Variants in POU6F2 observed in about 807,000 individuals in gnomAD.
The protein encoded by POU6F2 is POU domain, class 6, transcription factor 2.
Under a neutral mutation model 71.3 loss-of-function variants are expected in POU6F2, and 31 were observed. That is an observed-to-expected ratio of 0.43 (90% CI 0.33 to 0.59). The LOEUF is 0.59. POU6F2 is among the 20% of genes least tolerant of loss of function. The pLI is 0.04. For synonymous variants in POU6F2, 347 were observed against 355.7 expected (o/e 0.98, Z 0.27); for missense variants, 783 against 856.8 (o/e 0.91, Z 1.07).
intron 5 of POU6F2, among the ~76,000 whole-genome samples, chr7:39,386,135 AG>A (rs752882225): frequency 2.0e-5 from 3 of 149,504 alleles, no homozygotes; most frequent in Non-Finnish European, 3.0e-5. Flanking sequence ...AAAAAAAAAA[AG>A]AACCAACTTA....
intron 2 of POU6F2, among the ~76,000 whole-genome samples, chr7:39,096,252 C>T (rs1309247222): frequency 1.3e-5 from 2 of 152,118 alleles, no homozygotes; most frequent in African/African-American, 2.4e-5. Context: ...CACTTGCCGA[C>T]GACCTGCCAT....
At chr7:39,380,747 G>C (rs570816831) in intron 5 of POU6F2, among the ~76,000 whole-genome samples, 2 of 152,156 alleles carry the variant, frequency 1.3e-5, no homozygotes, top group Non-Finnish European at 2.9e-5. Flanking sequence ...CTGCCTTTTG[G>C]CTCCTAGAAG....
At chr7:39,051,596 T>A (rs1790401648) in intron 1 of POU6F2, among the ~76,000 whole-genome samples, 1 of 152,162 alleles carries the variant, frequency 6.6e-6, no homozygotes, top group Non-Finnish European at 1.5e-5. Context: ...AATTGAACAA[T>A]GTTTGAATAA....
chr7:39,015,697 T>TATAGA (rs368162504), intron 1 of POU6F2, among the ~76,000 whole-genome samples: 7 of 89,174 alleles, frequency 7.8e-5, no homozygotes, highest in African/African-American at 2.6e-4. Flanking sequence ...TATCTATATA[T>TATAGA]TATATATATC....
intron 4 of POU6F2, among the ~76,000 whole-genome samples, chr7:39,273,571 G>A (rs141468142): frequency 7.2e-4 from 109 of 152,328 alleles, no homozygotes; most frequent in African/African-American, 2.5e-3. Flanking sequence ...GGAGACTGGG[G>A]AGACCTGACA....
chr7:39,012,686 T>C (rs1200371537), intron 1 of POU6F2, among the ~76,000 whole-genome samples: 3 of 152,162 alleles, frequency 2.0e-5, no homozygotes, highest in Non-Finnish European at 4.4e-5. Context: ...ATGATGATGA[T>C]GTACAGATGG....
At chr7:39,264,385 G>T (rs995039410) in intron 4 of POU6F2, among the ~76,000 whole-genome samples, 5 of 152,174 alleles carry the variant, frequency 3.3e-5, no homozygotes, top group African/African-American at 1.2e-4. Context: ...GTTATGGCCT[G>T]GTTAGATGAT....
chr7:39,105,177 C>T (rs1192984856), intron 2 of POU6F2, among the ~76,000 whole-genome samples: 1 of 152,026 alleles, frequency 6.6e-6, no homozygotes, highest in Non-Finnish European at 1.5e-5. Context: ...AATAGATTTC[C>T]CAAACCTAAC....
chr7:39,007,796 G>C (rs1425229563), intron 1 of POU6F2, among the ~76,000 whole-genome samples: 5 of 151,090 alleles, frequency 3.3e-5, no homozygotes, highest in African/African-American at 9.7e-5. Flanking sequence ...TTGTTCTTGC[G>C]ATAGTTTACT....
intron 2 of POU6F2, among the ~76,000 whole-genome samples, chr7:39,110,357 T>C (rs1791782970): frequency 6.6e-6 from 1 of 151,698 alleles, no homozygotes; most frequent in Admixed American, 6.6e-5. Flanking sequence ...TGAAAACTGA[T>C]CATGTTCTAA....
rs529408040 is a variant in POU6F2, at chr7:39,198,265, A to G, written c.278-5970A>G. Among the ~76,000 whole-genome samples the G allele has an allele frequency of 1.0e-3, 153 of 152,374 alleles. 1 individual carries two copies. The highest frequency in any genetic ancestry group is 3.3e-3 in the African/African-American group (139 of 41,596). ...TCTATAGCACAGACTAAATCTACCT[A>G]TAAAAAATGAAGCAATTATTGAGGA... On this transcript the variant is annotated intron_variant, in intron 2 of 9. Coordinates refer to ENST00000518318, the MANE Select transcript of POU6F2 (RefSeq NM_001370959.1).
At chr7:39,380,498 C>T (rs1038584808) in intron 5 of POU6F2, among the ~76,000 whole-genome samples, 1 of 152,142 alleles carries the variant, frequency 6.6e-6, no homozygotes, top group Non-Finnish European at 1.5e-5. Flanking sequence ...GAAGGATGCT[C>T]TGAAAACTCC....
intron 1 of POU6F2, among the ~76,000 whole-genome samples, chr7:39,045,870 T>C (rs1206040510): frequency 2.6e-5 from 4 of 151,964 alleles, no homozygotes; most frequent in African/African-American, 9.7e-5. Flanking sequence ...TGACAGACAC[T>C]TGGATTGTTT....
chr7:39,045,662 C>T (rs1047053984), intron 1 of POU6F2, among the ~76,000 whole-genome samples: 3 of 151,676 alleles, frequency 2.0e-5, no homozygotes, highest in Admixed American at 1.3e-4. Flanking sequence ...TCACTACAAC[C>T]AGTTTTAGAA....
At chr7:39,422,210 A>T (rs1327105415) in intron 6 of POU6F2, among the ~76,000 whole-genome samples, 1 of 152,250 alleles carries the variant, frequency 6.6e-6, no homozygotes, top group East Asian at 1.9e-4. Flanking sequence ...TACCTGGAAC[A>T]TTCTTAAACT....
At chr7:39,070,835 T>G (rs1790864705) in intron 1 of POU6F2, among the ~76,000 whole-genome samples, 1 of 152,188 alleles carries the variant, frequency 6.6e-6, no homozygotes, top group Admixed American at 6.5e-5. Context: ...CTCAACATCG[T>G]ATTTACTTAT....
At chr7:39,281,288 T>A (rs1488311685) in intron 4 of POU6F2, among the ~76,000 whole-genome samples, 2 of 152,198 alleles carry the variant, frequency 1.3e-5, no homozygotes, top group Non-Finnish European at 2.9e-5. Context: ...ACATTTATCA[T>A]TTCTTTGTGG....
At chr7:39,255,014 A>T (rs1783993999) in intron 4 of POU6F2, among the ~76,000 whole-genome samples, 2 of 152,234 alleles carry the variant, frequency 1.3e-5, no homozygotes, top group Admixed American at 6.5e-5. Context: ...TAAAATGTCT[A>T]AACAACTTTT....
intron 5 of POU6F2, among the ~76,000 whole-genome samples, chr7:39,349,953 T>C (rs534436334): frequency 8.5e-5 from 13 of 152,248 alleles, no homozygotes; most frequent in African/African-American, 3.1e-4. Flanking sequence ...CCTTGGCCAC[T>C]CGGTAGGGAT....
Sources: allele counts gnomAD v4.1 joint callset (sites outside exome capture counted in the v4.1 genomes callset), GRCh38; gene constraint gnomAD v4.1.1; transcripts MANE v1.5; gene names NCBI Gene and HGNC (gene_info 2026-07-23, HGNC 2026-07-21).